Variants in PPFIA2 observed in about 807,000 individuals in gnomAD.
The protein encoded by PPFIA2 is PPFI scaffold protein A2.
Under a neutral mutation model 175.5 loss-of-function variants are expected in PPFIA2, and 46 were observed. The ratio of observed to expected loss-of-function variants is 0.26; its 90% CI spans 0.21 to 0.34. The LOEUF (loss-of-function observed/expected upper bound fraction) is 0.34. Among genes scored for constraint, PPFIA2 ranks in the 10% least tolerant of loss-of-function variants. PPFIA2 has a pLI of 1.00. For missense variants in PPFIA2, 1,179 were observed against 1,506.1 expected (o/e 0.78, Z 3.60); for synonymous variants, 568 against 511.4 (o/e 1.11, Z -1.49).
At chr12:81,712,261 A>G (rs201139363) in intron 3 of PPFIA2, among the ~76,000 whole-genome samples, 1 of 151,338 alleles carries the variant, frequency 6.6e-6, no homozygotes, top group Non-Finnish European at 1.5e-5. Flanking sequence ...AAGTCTATAA[A>G]CAAGATTAGA....
intron 4 of PPFIA2, among the ~76,000 whole-genome samples, chr12:81,476,602 A>G (rs2057503115): frequency 6.6e-6 from 1 of 152,204 alleles, no homozygotes; most frequent in African/African-American, 2.4e-5. Flanking sequence ...TCAATAGTGA[A>G]AGTGCTCTCT....
intron 7 of PPFIA2, among the ~76,000 whole-genome samples, chr12:81,434,055 A>G (rs1013024395): frequency 6.6e-6 from 1 of 152,082 alleles, no homozygotes; most frequent in African/African-American, 2.4e-5. Flanking sequence ...CATAAATAAG[A>G]TTTAGAGTTA....
At chr12:81,504,354 T>G (rs1208522159) in intron 4 of PPFIA2, among the ~76,000 whole-genome samples, 2 of 152,018 alleles carry the variant, frequency 1.3e-5, no homozygotes, top group African/African-American at 4.8e-5. Context: ...CAGACACTTC[T>G]CAAAAGAAGA....
intron 7 of PPFIA2, among the ~76,000 whole-genome samples, chr12:81,435,210 C>T (rs1290557548): frequency 6.6e-6 from 1 of 152,174 alleles, no homozygotes; most frequent in Non-Finnish European, 1.5e-5. Context: ...AGAAAATGTA[C>T]TCCTTGTAGG....
At position 81,347,553 on chromosome 12, in the gene PPFIA2, G is replaced by A. The variant is rs369038632; in HGVS notation, c.2212C>T (p.Arg738Trp). The A allele has an allele frequency of 2.9e-5, 47 of 1,609,712 alleles. No individual in the cohort carries two copies. Among genetic ancestry groups the A allele is most frequent in the Non-Finnish European group, 3.7e-5 (43 of 1,176,234 alleles). The change falls in exon 18 of 33, where the codon CGG (arginine) becomes TGG (tryptophan). Residue 738 changes from arginine (R) to tryptophan (W), a missense_variant. By Grantham distance (101) the Arg-to-Trp change is moderately radical. This residue lies in a region of PPFIA2 where 223 missense variants were observed against 241.6 expected (regional missense o/e 0.92). Transcript: ENST00000549396. Reference sequence around the variant, plus strand: ...CATACCAGTGTCATGACTCCCATCCGATCCATTTCCCTGGCAGGGCTTCGA... The same window carrying A: ...CATACCAGTGTCATGACTCCCATCCAATCCATTTCCCTGGCAGGGCTTCGA... ...TPRSPAREMD[R>W]MGVMTLPSDL...
intron 4 of PPFIA2, among the ~76,000 whole-genome samples, chr12:81,562,561 G>A (rs2153395496): frequency 6.6e-6 from 1 of 152,222 alleles, no homozygotes; most frequent in African/African-American, 2.4e-5. Flanking sequence ...AAGAGAGTAT[G>A]TTGAGGCCGG....
In PPFIA2 at chr12:81,319,004, A is replaced by G. The variant is rs560518489; in HGVS notation, c.2642+6773T>C. Among the ~76,000 whole-genome samples the G allele has an allele frequency of 8.1e-4, 123 of 151,810 alleles. 1 individual carries two copies. Among genetic ancestry groups the G allele is most frequent in the African/African-American group, 2.8e-3 (118 of 41,516 alleles). On this transcript the variant is annotated intron_variant, in intron 22 of 32. Coordinates refer to ENST00000549396, the MANE Select transcript of PPFIA2 (RefSeq NM_003625.5). ...ATTTACATCAATTAAGATAAATAAG[A>G]ATTTATTTAGAAAATGACATTATCT... is the stretch of plus-strand genomic sequence containing the variant.
rs969087645 is a variant in PPFIA2 at position 81,369,132 on chromosome 12, C to T, written c.1329G>A (p.Glu443=). ...RMRHLEGQLE[E]KNQELQRARQ... is the part of the protein sequence containing the mutation. ...ATACTCTTTGAAGTTCTTGATTCTT[C>T]TCTTCAAGTTGACCCTCTAAATGTC... The change falls in exon 12 of 33, where the codon GAG becomes GAA. Residue 443 remains glutamate, a synonymous_variant. Coordinates refer to ENST00000549396, the MANE Select transcript of PPFIA2 (RefSeq NM_003625.5). The T allele has an allele frequency of 6.2e-6, 10 of 1,606,104 alleles. No homozygotes were observed. The highest frequency in any genetic ancestry group is 2.7e-5 in the African/African-American group (2 of 74,580).
chr12:81,450,933 A>C (rs1464006168), intron 5 of PPFIA2, among the ~76,000 whole-genome samples: 8 of 152,198 alleles, frequency 5.3e-5, no homozygotes, highest in Non-Finnish European at 1.5e-5. Context: ...TCCTGGAATT[A>C]GTATATCCTC....
intron 4 of PPFIA2, among the ~76,000 whole-genome samples, chr12:81,526,288 G>A (rs2063724755): frequency 6.6e-6 from 1 of 152,164 alleles, no homozygotes; most frequent in African/African-American, 2.4e-5. Context: ...TGAGAATAAG[G>A]GTGCATGTGG....
chr12:81,560,242 G>A (rs1311503801), intron 4 of PPFIA2, among the ~76,000 whole-genome samples: 1 of 151,674 alleles, frequency 6.6e-6, no homozygotes, highest in East Asian at 1.9e-4. Flanking sequence ...TGGGGGGTAT[G>A]TGTGTGTGTG....
intron 9 of PPFIA2, 115 bp downstream of exon 9, chr12:81,383,907 CA>C: frequency 1.3e-6 from 1 of 791,378 alleles, no homozygotes; most frequent in Non-Finnish European, 2.0e-6. Context: ...TAATGCATGC[CA>C]AAGTATGGTC....
intron 7 of PPFIA2, among the ~76,000 whole-genome samples, chr12:81,412,510 A>G (rs1274577307): frequency 1.3e-5 from 2 of 151,878 alleles, no homozygotes; most frequent in African/African-American, 4.8e-5. Context: ...TTCTTGGTAA[A>G]AGACCCTGAG....
At chr12:81,596,288 CTCTT>C (rs1209141064) in intron 4 of PPFIA2, among the ~76,000 whole-genome samples, 4 of 151,370 alleles carry the variant, frequency 2.6e-5, no homozygotes, top group East Asian at 1.9e-4. Context: ...TCTTCTTTCT[CTCTT>C]TCTTCCACCA....
chr12:81,707,325 G>GAA (rs1264355499), intron 3 of PPFIA2, among the ~76,000 whole-genome samples: 1 of 151,704 alleles, frequency 6.6e-6, no homozygotes, highest in East Asian at 1.9e-4. Context: ...AAATTTACAA[G>GAA]AAAAAAACAA....
chr12:81,410,042 G>T (rs559983087), intron 7 of PPFIA2, among the ~76,000 whole-genome samples: 32 of 152,090 alleles, frequency 2.1e-4, no homozygotes, highest in Admixed American at 1.6e-3. Flanking sequence ...GGCCTCAAGG[G>T]TACTAGCTAA....
intron 4 of PPFIA2, among the ~76,000 whole-genome samples, chr12:81,658,839 G>C (rs2068254270): frequency 6.6e-6 from 1 of 152,018 alleles, no homozygotes; most frequent in Admixed American, 6.5e-5. Context: ...ACAAACATTT[G>C]CAATTTCTAT....
chr12:81,672,813 C>T (rs1168951240), intron 4 of PPFIA2, among the ~76,000 whole-genome samples: 1 of 151,844 alleles, frequency 6.6e-6, no homozygotes, highest in East Asian at 1.9e-4. Flanking sequence ...TTGTAACATA[C>T]AATGAAACAT....
rs2037808718 is a variant in PPFIA2, at chr12:81,267,906, A to AGTGTT, written c.3486+5_3486+6insAACAC. ...CACATTGAGACTACAGCAGAAAGTG[A>AGTGTT]CTTGCCTGGGTGTTCTGTGTTGGAA... On this transcript the variant is annotated splice_donor_region_variant and intron_variant, in intron 29 of 32. Transcript: ENST00000549396. The AGTGTT allele has an allele frequency of 6.3e-7, 1 of 1,584,380 alleles. No individual in the cohort carries two copies. The highest frequency in any genetic ancestry group is 8.6e-7 in the Non-Finnish European group (1 of 1,163,326).
Sources: allele counts gnomAD v4.1 joint callset (sites outside exome capture counted in the v4.1 genomes callset), GRCh38; gene constraint gnomAD v4.1.1; regional missense constraint gnomAD v4.1.1; transcripts MANE v1.5; gene names NCBI Gene and HGNC (gene_info 2026-07-23, HGNC 2026-07-21).